AGMO: variants seen among roughly 807,000 people sequenced by gnomAD.
AGMO encodes alkylglycerol monooxygenase, also known as glyceryl-ether monooxygenase.
A neutral mutation model predicts 60.2 loss-of-function variants in AGMO; 75 were observed. The ratio of observed to expected loss-of-function variants is 1.25; its 90% CI spans 1.03 to 1.51. The LOEUF (loss-of-function observed/expected upper bound fraction) is 1.51, where lower values mean the gene tolerates loss of function less well. AGMO is among the 40% of genes most tolerant of loss of function. The probability of loss-of-function intolerance (pLI) is 0.00; values close to 1 mark genes in which losing one functional copy is unlikely to be tolerated. For missense variants in AGMO, 763 were observed against 525.5 expected (o/e 1.45, Z -4.42); for synonymous variants, 261 against 177.1 (o/e 1.47, Z -3.76).
At chr7:15,527,622 C>G (rs1784160590) in intron 3 of AGMO, among the ~76,000 whole-genome samples, 1 of 152,152 alleles carries the variant, frequency 6.6e-6, no homozygotes, top group South Asian at 2.1e-4. Context: ...GGTGGCTGCA[C>G]TAAACAATAG....
chr7:15,333,424 C>T (rs1349771768), intron 12 of AGMO, among the ~76,000 whole-genome samples: 2 of 151,798 alleles, frequency 1.3e-5, no homozygotes, highest in African/African-American at 4.8e-5. Context: ...ACAAAACAAA[C>T]ACCTTGATGA....
At chr7:15,380,133 A>G (rs1023539402) in intron 10 of AGMO, among the ~76,000 whole-genome samples, 4 of 152,102 alleles carry the variant, frequency 2.6e-5, no homozygotes, top group Non-Finnish European at 4.4e-5. Flanking sequence ...CACCACTCCT[A>G]TTCAACATAG....
intron 3 of AGMO, among the ~76,000 whole-genome samples, chr7:15,494,545 G>T (rs1263234676): frequency 6.6e-6 from 1 of 152,146 alleles, no homozygotes; most frequent in East Asian, 1.9e-4. Context: ...ACCCAGTAAA[G>T]CTGCTCCCAG....
At chr7:15,285,871 G>A (rs1027905746) in intron 12 of AGMO, among the ~76,000 whole-genome samples, 11 of 151,820 alleles carry the variant, frequency 7.2e-5, no homozygotes, top group Admixed American at 7.2e-4. Context: ...ATACAAGTAG[G>A]TGCATCATAA....
chr7:15,523,623 G>C (rs1208508855), intron 3 of AGMO, among the ~76,000 whole-genome samples: 1 of 152,106 alleles, frequency 6.6e-6, no homozygotes, highest in Non-Finnish European at 1.5e-5. Flanking sequence ...ATAAGTAGGA[G>C]TCGAACAATG....
intron 12 of AGMO, among the ~76,000 whole-genome samples, chr7:15,341,213 T>C (rs1563096852): frequency 1.3e-5 from 2 of 152,202 alleles, no homozygotes; most frequent in African/African-American, 2.4e-5. Flanking sequence ...AGAAAATGGA[T>C]TTCTTTTCTA....
intron 12 of AGMO, among the ~76,000 whole-genome samples, chr7:15,303,785 G>C (rs73284560): frequency 0.044 from 6,738 of 152,106 alleles, 521 homozygotes; most frequent in African/African-American, 0.16. Flanking sequence ...AGAAAAGAAA[G>C]ATACAAGGAA....
intron 3 of AGMO, among the ~76,000 whole-genome samples, chr7:15,515,560 C>T (rs552362047): frequency 7.2e-5 from 11 of 152,306 alleles, no homozygotes; most frequent in Non-Finnish European, 1.5e-4. Flanking sequence ...CCATGTGGAA[C>T]ATAAAAGACA....
chr7:15,284,923 C>T (rs1387133908), intron 12 of AGMO, among the ~76,000 whole-genome samples: 1 of 151,848 alleles, frequency 6.6e-6, no homozygotes, highest in Non-Finnish European at 1.5e-5. Flanking sequence ...GATGGTTTAA[C>T]ACATGCAAGT....
At chr7:15,317,008 G>C (rs1010081486) in intron 12 of AGMO, among the ~76,000 whole-genome samples, 1 of 152,138 alleles carries the variant, frequency 6.6e-6, no homozygotes, top group Non-Finnish European at 1.5e-5. Flanking sequence ...AATGCATCAA[G>C]CATATCCACA....
At chr7:15,299,905 C>T (rs1227514383) in intron 12 of AGMO, among the ~76,000 whole-genome samples, 2 of 147,648 alleles carry the variant, frequency 1.4e-5, no homozygotes, top group Admixed American at 6.8e-5. Flanking sequence ...TTGTGTTCAA[C>T]ATATCCTTTC....
downstream of AGMO, among the ~76,000 whole-genome samples, chr7:15,196,846 G>A (rs1453863314): frequency 6.6e-6 from 1 of 152,152 alleles, no homozygotes; most frequent in Non-Finnish European, 1.5e-5. Context: ...CTGGGTGGTT[G>A]AAAATGTTTA....
At chr7:15,161,303 A>G in the AGMO span, among the ~76,000 whole-genome samples, 1 of 152,180 alleles carries the variant, frequency 6.6e-6, no homozygotes, top group Admixed American at 6.6e-5. Flanking sequence ...GCAAGAAAAA[A>G]GACAAATGTT....
chr7:15,154,273 T>C, the AGMO span, among the ~76,000 whole-genome samples: 8 of 152,236 alleles, frequency 5.3e-5, no homozygotes, highest in Admixed American at 5.2e-4. Context: ...CTCAACCCCT[T>C]TTACAATAGC....
chr7:15,395,470 A>G, intron 5 of AGMO, among the ~76,000 whole-genome samples: 1 of 152,310 alleles, frequency 6.6e-6, no homozygotes, highest in East Asian at 1.9e-4. Context: ...ACAGGGTATT[A>G]ATAGGAAAAA....
intron 5 of AGMO, among the ~76,000 whole-genome samples, chr7:15,395,331 TAA>T (rs1259894443): frequency 1.3e-5 from 2 of 151,606 alleles, no homozygotes; most frequent in African/African-American, 4.8e-5. Context: ...GAAATAGAGA[TAA>T]GACTGCTTAA....
At chr7:15,559,568 A>G (rs1160480679) in intron 2 of AGMO, among the ~76,000 whole-genome samples, 1 of 152,072 alleles carries the variant, frequency 6.6e-6, no homozygotes, top group Non-Finnish European at 1.5e-5. Context: ...TGACAAATAG[A>G]CAGGAGAGTG....
intron 12 of AGMO, among the ~76,000 whole-genome samples, chr7:15,357,868 G>T (rs1782601781): frequency 6.6e-6 from 1 of 152,142 alleles, no homozygotes; most frequent in African/African-American, 2.4e-5. Context: ...TTTGCTTTAA[G>T]CCATTAAGTT....
chr7:15,187,794 T>G, the AGMO span, among the ~76,000 whole-genome samples: 3 of 152,162 alleles, frequency 2.0e-5, no homozygotes, highest in Admixed American at 6.6e-5. Flanking sequence ...AAGAAAGGGC[T>G]TTCCTTGCTA....
Sources: allele counts gnomAD v4.1 joint callset (sites outside exome capture counted in the v4.1 genomes callset), GRCh38; gene constraint gnomAD v4.1.1; transcripts MANE v1.5; gene names NCBI Gene and HGNC (gene_info 2026-07-23, HGNC 2026-07-21).